Variants in HEATR4 observed in about 807,000 individuals in gnomAD.
The protein encoded by HEATR4 is HEAT repeat containing 4.
In HEATR4, 95 loss-of-function variants were observed where a neutral mutation model predicts 108.8. The ratio of observed to expected loss-of-function variants is 0.87; its 90% CI spans 0.74 to 1.04. HEATR4 has a LOEUF of 1.04. Ranked by LOEUF, HEATR4 falls within the 50% of genes least tolerant of loss-of-function variation. The pLI is 0.00. For missense variants in HEATR4, 1,152 were observed against 1,253.8 expected (o/e 0.92, Z 1.23); for synonymous variants, 443 against 459.4 (o/e 0.96, Z 0.46).
chr14:73,594,908 T>C, the HEATR4 span: 2 of 953,032 alleles, frequency 2.1e-6, no homozygotes, highest in Admixed American at 4.6e-5. Context: ...TTCTGCCATG[T>C]TGGCCAGGCT....
intron 12 of HEATR4, 128 bp downstream of exon 12, chr14:73,500,422 C>A: frequency 9.9e-7 from 1 of 1,009,620 alleles, no homozygotes; most frequent in Non-Finnish European, 1.4e-6. Context: ...GGCTTATACA[C>A]CCCCTTCCCA....
chr14:73,560,852 A>T (rs1889522036), upstream of HEATR4, among the ~76,000 whole-genome samples: 1 of 151,826 alleles, frequency 6.6e-6, no homozygotes, highest in African/African-American at 2.4e-5. Context: ...TTCCTCAAAA[A>T]ATTAAATATA....
At chr14:73,501,153 C>G (rs901804742) in intron 11 of HEATR4, among the ~76,000 whole-genome samples, 4 of 152,260 alleles carry the variant, frequency 2.6e-5, no homozygotes, top group Admixed American at 1.3e-4. Context: ...GAGTCTCGCT[C>G]TGTTGCCCAG....
intron 17 of HEATR4, chr14:73,491,095 C>A: frequency 6.2e-7 from 1 of 1,600,360 alleles, no homozygotes; most frequent in South Asian, 1.1e-5. Context: ...AGCCACACAG[C>A]GGGTCGGTCC....
intron 17 of HEATR4, chr14:73,491,065 GA>G: frequency 6.3e-7 from 1 of 1,594,018 alleles, no homozygotes; most frequent in Non-Finnish European, 8.5e-7. Context: ...GCGGGCGGCC[GA>G]AGCGCCGGCG....
intron 1 of HEATR4, among the ~76,000 whole-genome samples, chr14:73,556,112 C>A (rs1223481947): frequency 8.8e-6 from 1 of 113,046 alleles, no homozygotes; most frequent in Non-Finnish European, 1.9e-5. Context: ...TACCATATTA[C>A]CATTATCAAT....
At chr14:73,596,853 T>C in the HEATR4 span, among the ~76,000 whole-genome samples, 5 of 151,858 alleles carry the variant, frequency 3.3e-5, no homozygotes, top group African/African-American at 1.2e-4. Context: ...CCTGCCTCGG[T>C]CTCCCAAATT....
At chr14:73,610,214 G>T in the HEATR4 span, among the ~76,000 whole-genome samples, 3 of 151,612 alleles carry the variant, frequency 2.0e-5, no homozygotes. Flanking sequence ...TATTATAGTA[G>T]TCTCCTGGGC....
chr14:73,564,685 ATG>A, the HEATR4 span, among the ~76,000 whole-genome samples: 1 of 146,524 alleles, frequency 6.8e-6, no homozygotes, highest in South Asian at 2.2e-4. Flanking sequence ...AAATAGTTAG[ATG>A]TGTGTTTTTT....
the HEATR4 span, among the ~76,000 whole-genome samples, chr14:73,601,162 TAAATG>T: frequency 2.0e-5 from 3 of 152,006 alleles, no homozygotes; most frequent in Admixed American, 6.6e-5. Context: ...AAATGACAAT[TAAATG>T]AAATATTTTT....
intron 2 of HEATR4, among the ~76,000 whole-genome samples, chr14:73,525,969 GCATCTT>G (rs1888310300): frequency 7.3e-6 from 1 of 137,744 alleles, no homozygotes; most frequent in South Asian, 2.3e-4. Context: ...AAAAAAAAAA[GCATCTT>G]CATAAGAAAC....
At chr14:73,619,297 G>T in the HEATR4 span, 8 of 1,612,472 alleles carry the variant, frequency 5.0e-6, no homozygotes, top group Non-Finnish European at 5.9e-6. Context: ...TCTCTCAATG[G>T]CTTCTTTCTT....
chr14:73,491,553 C>G (rs750176031), intron 17 of HEATR4: 241 of 1,535,748 alleles, frequency 1.6e-4, no homozygotes, highest in Non-Finnish European at 2.0e-4. Context: ...GGTGGGGAGC[C>G]GGCCTGGGAC....
Position 73,491,410 on chromosome 14 carries a change from C to T in HEATR4, c.2844+1656G>A, listed in dbSNP as rs762581343. 3.7e-6 allele frequency: 5 copies of T among 1,346,332 alleles called. No homozygotes were observed. The South Asian group carries it at 5.9e-5, about 16-fold the overall frequency. 83.4% of individuals were successfully genotyped at this position (1,346,332 alleles called of 1,614,324 possible). A position where few individuals can be genotyped will look rare whatever the true frequency, so the allele number is the denominator to read the frequency against. On this transcript the variant is annotated intron_variant, in intron 17 of 17. Transcript: ENST00000553558. ...TGCCCGCTTCCGCGCCGCCCGCGCG[C>T]CTGGTGGAGGTGCCCGCCGCGCCGG...
At chr14:73,487,080 A>T (rs1395433727) in intron 17 of HEATR4, among the ~76,000 whole-genome samples, 1 of 148,528 alleles carries the variant, frequency 6.7e-6, no homozygotes, top group Admixed American at 6.8e-5. Context: ...ATCCTGGCTA[A>T]CATGGTGAAA....
At chr14:73,615,401 AAAAAAACAAAAAAC>A in the HEATR4 span, among the ~76,000 whole-genome samples, 27 of 93,682 alleles carry the variant, frequency 2.9e-4, 1 homozygote, top group African/African-American at 7.1e-4. Flanking sequence ...AAAAAAAAAA[AAAAAAACAAAAAAC>A]AAAAAAAACC....
rs140921312 is a variant in HEATR4, at chr14:73,493,429, G to A, written c.2786-305C>T. ...TAAGGCTAGATTATTATGTGGGATG[G>A]TTCGAAGAAATGCAGGAGCGGGAGG... is the stretch of plus-strand genomic sequence containing the variant. On this transcript the variant is annotated intron_variant, in intron 16 of 17. Transcript: ENST00000553558. The A allele has an allele frequency of 7.4e-4, 221 of 299,300 alleles. 1 individual carries two copies. The highest frequency in any genetic ancestry group is 4.3e-3 in the African/African-American group (193 of 44,938). 18.5% of individuals were successfully genotyped at this position (299,300 alleles called of 1,614,324 possible). A position where few individuals can be genotyped will look rare whatever the true frequency, so the allele number is the denominator to read the frequency against.
At chr14:73,563,755 A>AGTTCGAGACCAGT (rs1274396166), upstream of HEATR4, among the ~76,000 whole-genome samples, 1 of 151,944 alleles carries the variant, frequency 6.6e-6, no homozygotes, top group Non-Finnish European at 1.5e-5. Flanking sequence ...TTGAGACCAG[A>AGTTCGAGACCAGT]GTTCGAGACC....
chr14:73,595,642 C>T, the HEATR4 span: 1 of 1,520,682 alleles, frequency 6.6e-7, no homozygotes, highest in South Asian at 1.3e-5. Flanking sequence ...AAACAGCTGT[C>T]CCTAAATTGT....
Sources: gnomAD v4.1 joint callset for allele counts (sites outside exome capture counted in the v4.1 genomes callset) on GRCh38, gnomAD v4.1.1 for gene constraint, MANE v1.5 for transcripts, NCBI Gene and HGNC (gene_info 2026-07-23, HGNC 2026-07-21) for gene names.